Variants in SLC25A36 observed in about 807,000 individuals in gnomAD.
The protein encoded by SLC25A36 is solute carrier family 25 member 36, also known as epididymis secretory sperm binding protein.
In SLC25A36, 24 loss-of-function variants were observed where a neutral mutation model predicts 35.3. The ratio of observed to expected loss-of-function variants is 0.68; its 90% CI spans 0.49 to 0.96. SLC25A36 has a LOEUF of 0.96. SLC25A36 is among the 40% of genes least tolerant of loss of function. The probability of loss-of-function intolerance (pLI) is 0.00; values close to 1 mark genes in which losing one functional copy is unlikely to be tolerated. For missense variants in SLC25A36, 294 were observed against 381.1 expected (o/e 0.77, Z 1.90); for synonymous variants, 141 against 132.2 (o/e 1.07, Z -0.46).
At chr3:140,961,103 A>G (rs1399469436) in intron 3 of SLC25A36, among the ~76,000 whole-genome samples, 1 of 152,180 alleles carries the variant, frequency 6.6e-6, no homozygotes, top group Non-Finnish European at 1.5e-5. Context: ...ATGTCTTGTT[A>G]TTTATTACGT....
chr3:140,943,235 C>T (rs1488323281), intron 1 of SLC25A36, among the ~76,000 whole-genome samples: 1 of 152,148 alleles, frequency 6.6e-6, no homozygotes, highest in Non-Finnish European at 1.5e-5. Context: ...GTTTTTAGAT[C>T]GACTTTTAAG....
intron 6 of SLC25A36, among the ~76,000 whole-genome samples, chr3:140,975,110 T>TC (rs1935007142): frequency 9.9e-6 from 1 of 100,708 alleles, no homozygotes; most frequent in Non-Finnish European, 2.0e-5. Flanking sequence ...TTTTTTTTTT[T>TC]TTTTTTTTTT....
intron 1 of SLC25A36, among the ~76,000 whole-genome samples, chr3:140,950,248 G>A (rs540541589): frequency 1.6e-5 from 2 of 127,062 alleles, no homozygotes; most frequent in Admixed American, 8.3e-5. Context: ...ATTCCTCCCC[G>A]CCCCCACCCC....
At chr3:140,950,086 T>C (rs1160853438) in intron 1 of SLC25A36, among the ~76,000 whole-genome samples, 3 of 152,204 alleles carry the variant, frequency 2.0e-5, no homozygotes, top group Non-Finnish European at 4.4e-5. Context: ...GTTTCCTTTT[T>C]CTTTACATCC....
chr3:140,941,911 G>A lies in SLC25A36; in HGVS notation c.-144G>A, dbSNP rs1934009402. ...TGCCGCGGGGAGGGCTGTGCCGGTTGCTTTCTGCAGCCGCATCTCGGCCAG... is the reference window on the plus strand; with the variant it reads ...TGCCGCGGGGAGGGCTGTGCCGGTTACTTTCTGCAGCCGCATCTCGGCCAG... On this transcript the variant is annotated 5_prime_UTR_variant, in exon 1 of 7. Transcript: ENST00000324194. 10 of 546,714 alleles carry A rather than the reference G, an allele frequency of 1.8e-5. No homozygotes were observed. The South Asian group carries it at 2.2e-4, about 12-fold the overall frequency. The allele number at this position is 546,714 out of a possible 1,614,324, so 33.9% of individuals were successfully genotyped here.
chr3:140,959,006 GTGTT>G (rs1360447320), intron 2 of SLC25A36, among the ~76,000 whole-genome samples: 3 of 117,198 alleles, frequency 2.6e-5, no homozygotes, highest in Admixed American at 9.4e-5. Flanking sequence ...GTGTGTGTGT[GTGTT>G]TTCTTTTTCT....
At chr3:140,961,806 A>T (rs1301525080) in intron 3 of SLC25A36, among the ~76,000 whole-genome samples, 1 of 144,084 alleles carries the variant, frequency 6.9e-6, no homozygotes, top group South Asian at 2.3e-4. Flanking sequence ...CAGTGAGCCA[A>T]TATAGGGCCA....
In SLC25A36 at chr3:140,973,904, A is replaced by G; in HGVS notation, c.641A>G (p.Glu214Gly). The part of the protein sequence containing the change: ...LLEYKTASTM[E>G]NDEESVKEAS... ...GAATATAAGACTGCTTCTACAATGG[A>G]AAATGATGAAGAGTCTGTGAAAGAA... Residue 214 changes from glutamate to glycine, a missense_variant, in exon 6 of 7, where the codon GAA (glutamate) becomes GGA (glycine). Physicochemically the swap from Glu to Gly is moderately conservative, Grantham distance 98. Around this residue, in one of 2 missense-constraint regions of SLC25A36, gnomAD observed 109 missense variants for 179.7 expected, o/e 0.61. Coordinates refer to ENST00000324194, the MANE Select transcript of SLC25A36 (RefSeq NM_001104647.3). 1 of 1,612,502 alleles carries G rather than the reference A, an allele frequency of 6.2e-7. No homozygotes were observed. Among genetic ancestry groups the G allele is most frequent in the South Asian group, 1.1e-5 (1 of 90,930 alleles).
At chr3:140,966,643 T>C in intron 4 of SLC25A36, 2 of 322,208 alleles carry the variant, frequency 6.2e-6, no homozygotes, top group Non-Finnish European at 1.2e-5. Flanking sequence ...CCTCTAAATA[T>C]TCCCTTTTGA....
At chr3:140,968,720 C>T in intron 4 of SLC25A36, 4 of 981,710 alleles carry the variant, frequency 4.1e-6, no homozygotes, top group Non-Finnish European at 4.8e-6. Context: ...GTATTATGGA[C>T]AGAAGCTTGG....
chr3:140,967,109 G>A (rs915955361), intron 4 of SLC25A36: 3 of 448,946 alleles, frequency 6.7e-6, no homozygotes, highest in African/African-American at 6.0e-5. Context: ...TGATAGCTGT[G>A]GAATTAGAAG....
At chr3:140,950,176 T>C (rs1934280614) in intron 1 of SLC25A36, among the ~76,000 whole-genome samples, 1 of 152,198 alleles carries the variant, frequency 6.6e-6, no homozygotes, top group African/African-American at 2.4e-5. Context: ...ACAAATATTG[T>C]TCACTGCAGA....
chr3:140,943,694 G>A (rs1236837019), intron 1 of SLC25A36, among the ~76,000 whole-genome samples: 4 of 150,560 alleles, frequency 2.7e-5, no homozygotes, highest in African/African-American at 9.8e-5. Flanking sequence ...AAAATTAGGA[G>A]GTTGTATTAT....
chr3:140,952,656 A>G lies in SLC25A36; in HGVS notation c.42-3871A>G, dbSNP rs568412913. On this transcript the variant is annotated intron_variant, in intron 1 of 6. Coordinates refer to ENST00000324194, the MANE Select transcript of SLC25A36 (RefSeq NM_001104647.3). ...CTTTACAAAATGCTTTATGTGGATT[A>G]TATTATATCATCTTTACAACAAGCG... 1.6e-4 allele frequency among the ~76,000 whole-genome samples: 25 copies of G among 152,272 alleles called. No individual in the cohort carries two copies. The South Asian group carries it at 3.3e-3, about 20-fold the overall frequency.
chr3:140,959,954 A>G (rs1934586119), intron 3 of SLC25A36, among the ~76,000 whole-genome samples: 2 of 152,198 alleles, frequency 1.3e-5, no homozygotes, highest in African/African-American at 4.8e-5. Context: ...ATTTATAGAT[A>G]AGAGTTTTAA....
At position 140,978,151 on chromosome 3, in the gene SLC25A36, T is replaced by C. The variant is rs1372483407; in HGVS notation, c.*1698T>C. ...ATAGTGCCCTGTTAAATTCCCCCAC[T>C]TTAACTTCCTTGTGATCAACAGTAA... On this transcript the variant is annotated 3_prime_UTR_variant, in exon 7 of 7. Transcript: ENST00000324194. 6.6e-6 allele frequency: 1 copy of C among 152,164 alleles called. No homozygotes were observed. Among genetic ancestry groups the C allele is most frequent in the Non-Finnish European group, 1.5e-5 (1 of 68,016 alleles). 9.4% of individuals were successfully genotyped at this position (152,164 alleles called of 1,614,324 possible).
intron 2 of SLC25A36, among the ~76,000 whole-genome samples, chr3:140,959,141 G>C (rs1216340836): frequency 6.6e-6 from 1 of 151,130 alleles, no homozygotes. Context: ...TCAGCCTCCT[G>C]AGTAGCTGTG....
At chr3:140,967,716 T>C (rs1934797766) in intron 4 of SLC25A36, among the ~76,000 whole-genome samples, 1 of 151,968 alleles carries the variant, frequency 6.6e-6, no homozygotes, top group South Asian at 2.1e-4. Flanking sequence ...AATGGAATCT[T>C]ACTTAGATAA....
intron 1 of SLC25A36, among the ~76,000 whole-genome samples, chr3:140,945,954 G>A (rs1381013171): frequency 2.0e-5 from 3 of 151,910 alleles, no homozygotes; most frequent in Non-Finnish European, 2.9e-5. Context: ...GTCAGCCATG[G>A]GTAAAAAAGT....
Sources: allele counts gnomAD v4.1 joint callset (sites outside exome capture counted in the v4.1 genomes callset), GRCh38; gene constraint gnomAD v4.1.1; regional missense constraint gnomAD v4.1.1; transcripts MANE v1.5; gene names NCBI Gene and HGNC (gene_info 2026-07-23, HGNC 2026-07-21).